The following RFX7 variants were observed in gnomAD, a reference collection of about 807,000 sequenced individuals.
The protein encoded by RFX7 is regulatory factor X7.
RFX7 carries 26 observed loss-of-function variants against 111.8 expected under a neutral mutation model. The ratio of observed to expected loss-of-function variants is 0.23; its 90% CI spans 0.17 to 0.32. The LOEUF is 0.32. Among genes scored for constraint, RFX7 ranks in the 10% least tolerant of loss-of-function variants. RFX7 has a pLI of 1.00. For synonymous variants in RFX7, 624 were observed against 624.4 expected (o/e 1.00, Z 0.01); for missense variants, 1,573 against 1,772.9 (o/e 0.89, Z 2.02).
chr15:56,142,627 G>T (rs1323259640), intron 5 of RFX7, 151 bp downstream of exon 5: 6 of 661,832 alleles, frequency 9.1e-6, no homozygotes, highest in African/African-American at 5.5e-5. Context: ...TACTACAGAA[G>T]CTTAGAGCTG....
intron 5 of RFX7, among the ~76,000 whole-genome samples, chr15:56,118,502 T>A (rs1595939374): frequency 6.6e-6 from 1 of 152,198 alleles, no homozygotes; most frequent in African/African-American, 2.4e-5. Context: ...GTTCCATCCA[T>A]GTGATTGCAA....
At chr15:56,163,271 T>C (rs1373598818) in intron 3 of RFX7, among the ~76,000 whole-genome samples, 4 of 152,016 alleles carry the variant, frequency 2.6e-5, no homozygotes, top group African/African-American at 9.7e-5. Flanking sequence ...AGGAAAGTAA[T>C]TGTTAAGAAT....
intron 5 of RFX7, among the ~76,000 whole-genome samples, chr15:56,111,977 T>G (rs1940739446): frequency 6.6e-6 from 1 of 151,798 alleles, no homozygotes; most frequent in African/African-American, 2.4e-5. Context: ...TAGCCGGGCG[T>G]GGTGGTGTGT....
At chr15:56,141,358 C>G (rs934702601) in intron 5 of RFX7, among the ~76,000 whole-genome samples, 1 of 151,738 alleles carries the variant, frequency 6.6e-6, no homozygotes. Flanking sequence ...AAGAGTTAAA[C>G]CCTGTCTCAA....
chr15:56,100,017 G>GGCAGGAGAAAGACA (rs2041731685), intron 8 of RFX7, among the ~76,000 whole-genome samples: 1 of 152,128 alleles, frequency 6.6e-6, no homozygotes, highest in Admixed American at 6.5e-5. Context: ...TGTTGGCAGG[G>GGCAGGAGAAAGACA]GCAGGAGAAA....
intron 3 of RFX7, among the ~76,000 whole-genome samples, chr15:56,168,939 T>C (rs1400591648): frequency 6.6e-6 from 1 of 152,226 alleles, no homozygotes; most frequent in Non-Finnish European, 1.5e-5. Flanking sequence ...GCAATACTCT[T>C]GAATGCCTAA....
chr15:56,137,541 C>T (rs1490503112), intron 5 of RFX7, among the ~76,000 whole-genome samples: 1 of 151,964 alleles, frequency 6.6e-6, no homozygotes, highest in Non-Finnish European at 1.5e-5. Flanking sequence ...GTCTATCAAT[C>T]CTGTTGATCC....
chr15:56,124,282 C>T (rs1359054033), intron 5 of RFX7, among the ~76,000 whole-genome samples: 2 of 152,082 alleles, frequency 1.3e-5, no homozygotes, highest in Non-Finnish European at 2.9e-5. Flanking sequence ...ATTAGCCAGG[C>T]ATGGTGACGG....
intron 5 of RFX7, among the ~76,000 whole-genome samples, chr15:56,121,894 G>C (rs1198386370): frequency 6.6e-6 from 1 of 152,106 alleles, no homozygotes; most frequent in Non-Finnish European, 1.5e-5. Flanking sequence ...TGTTAAATTT[G>C]TTGGATAGGA....
chr15:56,158,722 T>A (rs1284703609), intron 3 of RFX7, among the ~76,000 whole-genome samples: 3 of 152,120 alleles, frequency 2.0e-5, no homozygotes, highest in African/African-American at 7.2e-5. Flanking sequence ...CTTGGGAGGC[T>A]AAAGTGGTAC....
At chr15:56,103,294 A>G (rs2140529784) in intron 6 of RFX7, among the ~76,000 whole-genome samples, 1 of 152,300 alleles carries the variant, frequency 6.6e-6, no homozygotes, top group African/African-American at 2.4e-5. Flanking sequence ...AGATCAGACC[A>G]TTAATAACAC....
upstream of RFX7, among the ~76,000 whole-genome samples, chr15:56,244,438 T>G (rs147818140): frequency 6.6e-6 from 1 of 152,002 alleles, no homozygotes; most frequent in Non-Finnish European, 1.5e-5. Flanking sequence ...CTGGCCCCAC[T>G]TTAACTATCC....
chr15:56,145,511 A>AT (rs1482427444), intron 3 of RFX7, among the ~76,000 whole-genome samples: 4 of 152,212 alleles, frequency 2.6e-5, no homozygotes, highest in Non-Finnish European at 5.9e-5. Context: ...CCAAATTTAC[A>AT]TTTTTAAAAT....
chr15:56,184,800 T>C (rs2043020086), intron 2 of RFX7, among the ~76,000 whole-genome samples: 1 of 152,210 alleles, frequency 6.6e-6, no homozygotes, highest in South Asian at 2.1e-4. Context: ...ATCTTTATTA[T>C]AATTACTGCC....
intron 5 of RFX7, among the ~76,000 whole-genome samples, chr15:56,107,296 C>CAAAAAAAAAAAA: frequency 3.1e-5 from 1 of 32,138 alleles, no homozygotes; most frequent in Non-Finnish European, 5.5e-5. Context: ...GACTCCGTCT[C>CAAAAAAAAAAAA]AAAAAAAAAA....
intron 3 of RFX7, among the ~76,000 whole-genome samples, chr15:56,170,758 T>C (rs1162265835): frequency 2.0e-5 from 3 of 152,212 alleles, no homozygotes; most frequent in African/African-American, 7.2e-5. Flanking sequence ...ATTACCATAT[T>C]GAATAGTGCA....
At chr15:56,182,499 AC>A (rs1315130212) in intron 2 of RFX7, among the ~76,000 whole-genome samples, 2 of 152,098 alleles carry the variant, frequency 1.3e-5, no homozygotes, top group Non-Finnish European at 2.9e-5. Flanking sequence ...CAATATGTAA[AC>A]TTTCCAGTTG....
chr15:56,096,643 C>A, intron 9 of RFX7, 23 bp from the exon 10 acceptor site: 1 of 1,539,956 alleles, frequency 6.5e-7, no homozygotes, highest in South Asian at 1.2e-5. Flanking sequence ...AGCAAAAAAT[C>A]AGATTTAACA....
intron 3 of RFX7, among the ~76,000 whole-genome samples, chr15:56,175,261 C>T (rs1456703836): frequency 2.0e-5 from 3 of 152,014 alleles, no homozygotes; most frequent in African/African-American, 4.8e-5. Flanking sequence ...TAACAAAACA[C>T]GCTGAAAGAT....
Sources: gnomAD v4.1 joint callset for allele counts (sites outside exome capture counted in the v4.1 genomes callset) on GRCh38, gnomAD v4.1.1 for gene constraint, MANE v1.5 for transcripts, NCBI Gene and HGNC (gene_info 2026-07-23, HGNC 2026-07-21) for gene names.